The following RIPK1 variants were observed in gnomAD, a reference collection of about 807,000 sequenced individuals.
RIPK1 encodes receptor interacting serine/threonine kinase 1.
A neutral mutation model predicts 62.4 loss-of-function variants in RIPK1; 27 were observed. That is an observed-to-expected ratio of 0.43 (90% CI 0.32 to 0.60). RIPK1 has a LOEUF of 0.60. Among genes scored for constraint, RIPK1 ranks in the 20% least tolerant of loss-of-function variants. The pLI is 0.07. For synonymous variants in RIPK1, 287 were observed against 303.2 expected, an observed-to-expected ratio of 0.95 and a Z score of 0.55; for missense variants, 735 against 831.0, an observed-to-expected ratio of 0.88 and a Z score of 1.42.
In RIPK1 at chr6:3,107,418, A is replaced by C. The variant is rs1165908277; in HGVS notation, c.1576+1367A>C. The stretch of plus-strand genomic sequence containing the variant: ...AAAAATACAAAAAAAAAAAAAAAAA[A>C]GCTGGGCATAGTGGCGTGCGCCTGT... On this transcript the variant is annotated intron_variant, in intron 9 of 10. Transcript: ENST00000259808. Among the ~76,000 whole-genome samples the C allele has an allele frequency of 3.0e-4, 45 of 150,056 alleles. No individual in the cohort carries two copies. The East Asian group carries it at 3.3e-3, about 11-fold the overall frequency.
intron 9 of RIPK1, among the ~76,000 whole-genome samples, chr6:3,106,762 C>T (rs1460399128): frequency 3.9e-5 from 6 of 152,164 alleles, no homozygotes; most frequent in South Asian, 2.1e-4. Context: ...CAAACATCCT[C>T]GATTTCTTCC....
At chr6:3,069,059 C>G (rs571867567) in intron 1 of RIPK1, among the ~76,000 whole-genome samples, 3 of 152,314 alleles carry the variant, frequency 2.0e-5, no homozygotes, top group East Asian at 3.9e-4. Flanking sequence ...GCCTCTGTGC[C>G]AGAGGTCGGG....
At chr6:3,106,676 T>C (rs924733182) in intron 9 of RIPK1, among the ~76,000 whole-genome samples, 3 of 152,226 alleles carry the variant, frequency 2.0e-5, no homozygotes, top group Non-Finnish European at 4.4e-5. Context: ...TCATCTCAGG[T>C]AGAGGAAGCT....
chr6:3,086,878 T>C (rs1433905863), intron 6 of RIPK1, among the ~76,000 whole-genome samples: 1 of 152,236 alleles, frequency 6.6e-6, no homozygotes, highest in Non-Finnish European at 1.5e-5. Flanking sequence ...CTTCTAATTA[T>C]AGCTTGGTCT....
Position 3,105,114 on chromosome 6 carries a change from C to T in RIPK1, c.1007-368C>T, listed in dbSNP as rs544413709. Among the ~76,000 whole-genome samples the T allele has an allele frequency of 1.4e-4, 21 of 152,190 alleles. No homozygotes were observed. Among genetic ancestry groups the T allele is most frequent in the African/African-American group, 3.4e-4 (14 of 41,522 alleles). On this transcript the variant is annotated intron_variant, in intron 8 of 10. Coordinates refer to ENST00000259808, the MANE Select transcript of RIPK1 (RefSeq NM_001354930.2). The surrounding 1 kb of genome is among the most constrained non-coding windows in gnomAD (Gnocchi z 4.5). Reference sequence around the variant, plus strand: ...TGATCCGTCCGCCTCAGCCTCCCAACGTGCTAGGATTACAGGCGTGAGCCA... The same window carrying T: ...TGATCCGTCCGCCTCAGCCTCCCAATGTGCTAGGATTACAGGCGTGAGCCA...
At position 3,072,207 on chromosome 6, in the gene RIPK1, T is replaced by C. The variant is rs934047399; in HGVS notation, c.-61+3546T>C. On this transcript the variant is annotated intron_variant, in intron 1 of 10. Transcript: ENST00000259808. The surrounding 1 kb of genome is among the most constrained non-coding windows in gnomAD (Gnocchi z 5.6). ...GTAAAGAAATACTGAGTCAAGGAAT[T>C]ATTCCTTTCAAAAAAATAATTTTAA... 6.6e-6 allele frequency among the ~76,000 whole-genome samples: 1 copy of C among 152,216 alleles called. No individual in the cohort carries two copies.
chr6:3,066,607 A>G (rs541127602), upstream of RIPK1, among the ~76,000 whole-genome samples: 5 of 152,310 alleles, frequency 3.3e-5, no homozygotes, highest in Admixed American at 3.3e-4. Context: ...AAGCAGAAAG[A>G]AAATATCCCC....
At chr6:3,078,749 A>G (rs972378881) in intron 3 of RIPK1, among the ~76,000 whole-genome samples, 1 of 152,260 alleles carries the variant, frequency 6.6e-6, no homozygotes, top group Non-Finnish European at 1.5e-5. Flanking sequence ...ACAAAAATAA[A>G]AATTGTTTAC....
intron 6 of RIPK1, chr6:3,088,564 T>C (rs1426452491): frequency 1.3e-5 from 2 of 152,374 alleles, no homozygotes; most frequent in Non-Finnish European, 2.9e-5. Context: ...TTCTCTGACA[T>C]TACCCCGGTG....
chr6:3,085,890 G>A (rs758959801), intron 6 of RIPK1, among the ~76,000 whole-genome samples: 28 of 152,306 alleles, frequency 1.8e-4, no homozygotes, highest in Admixed American at 6.5e-4. Context: ...ATGTCCTCGA[G>A]GTTCATCTGT....
chr6:3,103,521 C>T lies in RIPK1; in HGVS notation c.916-704C>T, dbSNP rs145723836. 3.8e-3 allele frequency among the ~76,000 whole-genome samples: 577 copies of T among 152,208 alleles called. 6 individuals are homozygous for T. The highest frequency in any genetic ancestry group is 0.013 in the African/African-American group (554 of 41,538). On this transcript the variant is annotated intron_variant, in intron 7 of 10. Transcript: ENST00000259808. The stretch of plus-strand genomic sequence containing the variant: ...TTCACCATGTTGGCCTGGCAGGTCT[C>T]GAACTCCTGACCTCATGGGATCCAC...
rs923928768 is a variant in RIPK1, at chr6:3,105,427, T to C, written c.1007-55T>C. The C allele has an allele frequency of 5.2e-6, 7 of 1,357,580 alleles. No individual in the cohort carries two copies. In the African/African-American group the frequency reaches 8.7e-5, roughly 17 times the overall value. The allele number at this position is 1,357,580 out of a possible 1,614,324, so 84.1% of individuals were successfully genotyped here. A position where few individuals can be genotyped will look rare whatever the true frequency, so the allele number is the denominator to read the frequency against. ...GATTCATGACGGCGCTCAGATTTTATTTTACTTTTTAATGTTTCATGACAC... is the reference window on the plus strand; with the variant it reads ...GATTCATGACGGCGCTCAGATTTTACTTTACTTTTTAATGTTTCATGACAC... On this transcript the variant is annotated intron_variant, in intron 8 of 10. Coordinates refer to ENST00000259808, the MANE Select transcript of RIPK1 (RefSeq NM_001354930.2). The surrounding 1 kb of genome is among the most constrained non-coding windows in gnomAD (Gnocchi z 4.5).
In RIPK1 at chr6:3,110,627, A is replaced by T. The variant is rs993474776; in HGVS notation, c.1577-176A>T. 2.0e-5 allele frequency among the ~76,000 whole-genome samples: 3 copies of T among 150,960 alleles called. No individual in the cohort carries two copies. The East Asian group carries it at 5.8e-4, about 29-fold the overall frequency. On this transcript the variant is annotated intron_variant, in intron 9 of 10. Transcript: ENST00000259808. ...TATTTCTTTTTTTTTTTTTAATCAT[A>T]GGCATCCTAATGGGTATGAGGTGGT...
At chr6:3,104,178 T>C in intron 7 of RIPK1, 47 bp from the exon 8 acceptor site, 1 of 812,784 alleles carries the variant, frequency 1.2e-6, no homozygotes. Context: ...TCTGGGACTC[T>C]ATTTCCTGCT....
chr6:3,076,851 A>AT lies in RIPK1; in HGVS notation c.30dup (p.Lys11Ter). 6.2e-7 allele frequency: 1 copy of AT among 1,613,296 alleles called. No homozygotes were observed. Among genetic ancestry groups the AT allele is most frequent in the Non-Finnish European group, 8.5e-7 (1 of 1,179,754 alleles). The stretch of plus-strand genomic sequence containing the variant: ...GCAACCAGACATGTCCTTGAATGTC[A>AT]TTAAGATGAAATCCAGTGACTTCCT... On this transcript the variant is annotated frameshift_variant, in exon 2 of 11. Transcript: ENST00000259808. LOFTEE classifies it high-confidence loss of function.
chr6:3,066,789 CTT>C (rs987784359), upstream of RIPK1, among the ~76,000 whole-genome samples: 25 of 152,246 alleles, frequency 1.6e-4, no homozygotes, highest in South Asian at 1.9e-3. Flanking sequence ...AGGTTTTGCT[CTT>C]TGTGTATATT....
Position 3,068,524 on chromosome 6 carries a change from C to T in RIPK1, c.-198C>T, listed in dbSNP as rs1014881647. 1.9e-5 allele frequency: 19 copies of T among 985,118 alleles called. No individual in the cohort carries two copies. The highest frequency in any genetic ancestry group is 5.2e-4 in the Middle Eastern group (1 of 1,934). The allele number at this position is 985,118 out of a possible 1,614,324, so 61.0% of individuals were successfully genotyped here. On this transcript the variant is annotated 5_prime_UTR_variant, in exon 1 of 11. The change creates a new upstream start codon in the 5' untranslated region. Transcript: ENST00000259808. ...ACGCCCTCCAGCCGGGCGCGCTCGA[C>T]GCGGACGGCGGGCCAGCTGCCGGAG...
chr6:3,107,562 CAAAA>C (rs60843872), intron 9 of RIPK1, among the ~76,000 whole-genome samples: 163 of 46,306 alleles, frequency 3.5e-3, no homozygotes, highest in African/African-American at 9.9e-3. Context: ...GAGACTGTCG[CAAAA>C]AAAAAAAAAA....
At position 3,076,867 on chromosome 6, in the gene RIPK1, G is replaced by A; in HGVS notation, c.44G>A (p.Ser15Asn). The change falls in exon 2 of 11, where the codon AGT (serine) becomes AAT (asparagine). Residue 15 changes from serine (S) to asparagine (N), a missense_variant. Coordinates refer to ENST00000259808, the MANE Select transcript of RIPK1 (RefSeq NM_001354930.2). The stretch of plus-strand genomic sequence containing the variant: ...TTGAATGTCATTAAGATGAAATCCA[G>A]TGACTTCCTGGAGAGTGCAGAACTG... ...MSLNVIKMKS[S>N]DFLESAELDS... The A allele has an allele frequency of 6.2e-7, 1 of 1,613,012 alleles. No individual in the cohort carries two copies. The highest frequency in any genetic ancestry group is 8.5e-7 in the Non-Finnish European group (1 of 1,179,400).
Sources: allele counts gnomAD v4.1 joint callset (sites outside exome capture counted in the v4.1 genomes callset), GRCh38; gene constraint gnomAD v4.1.1; non-coding constraint Gnocchi (gnomAD v3.1); transcripts MANE v1.5; gene names NCBI Gene and HGNC (gene_info 2026-07-23, HGNC 2026-07-21).